GLG1: variants seen among roughly 807,000 people sequenced by gnomAD.
GLG1 encodes Golgi apparatus protein 1.
GLG1 carries 38 observed loss-of-function variants against 160.5 expected under a neutral mutation model. The ratio of observed to expected loss-of-function variants is 0.24; its 90% CI spans 0.18 to 0.31. GLG1 has a LOEUF of 0.31. GLG1 is among the 10% of genes least tolerant of loss of function. GLG1 has a pLI of 1.00. For missense variants in GLG1, 1,373 were observed against 1,505.2 expected (o/e 0.91, Z 1.45); for synonymous variants, 644 against 543.4 (o/e 1.19, Z -2.57).
intron 1 of GLG1, among the ~76,000 whole-genome samples, chr16:74,575,451 A>G (rs1387036632): frequency 6.6e-6 from 1 of 152,242 alleles, no homozygotes; most frequent in Non-Finnish European, 1.5e-5. Context: ...TTTAGAATCA[A>G]TAAGACATCA....
At chr16:74,563,493 C>T (rs2018564400) in intron 1 of GLG1, among the ~76,000 whole-genome samples, 1 of 152,068 alleles carries the variant, frequency 6.6e-6, no homozygotes, top group Admixed American at 6.6e-5. Flanking sequence ...CTTTGGGAGG[C>T]TGAGGTGGGC....
intron 1 of GLG1, among the ~76,000 whole-genome samples, chr16:74,595,821 T>A (rs1039789713): frequency 1.3e-5 from 2 of 152,126 alleles, no homozygotes; most frequent in African/African-American, 4.8e-5. Context: ...TTTTAAGACA[T>A]AAACAATATA....
At position 74,468,954 on chromosome 16, in the gene GLG1, G is replaced by A; in HGVS notation, c.2428C>T (p.Leu810=). 1 of 1,590,720 alleles carries A rather than the reference G, an allele frequency of 6.3e-7. No individual in the cohort carries two copies. Among genetic ancestry groups the A allele is most frequent in the Non-Finnish European group, 8.6e-7 (1 of 1,158,604 alleles). The change falls in exon 17 of 26, where the codon CTG becomes TTG. Residue 810 remains leucine (L), a synonymous_variant. Coordinates refer to ENST00000422840, the MANE Select transcript of GLG1 (RefSeq NM_001145667.2). The stretch of plus-strand genomic sequence containing the variant: ...AGGCTGGGAGGCATTACCATCTCCA[G>A]CTCCTCCACACGGAGCTGCCTGCGG... ...KCRRQLRVEE[L]EMTEDIRLEP...
rs181401792 is a variant in GLG1, at chr16:74,507,127, A to G, written c.558+1712T>C. ...AATACAGAATGAAATGTTTTGCTGG[A>G]GACTGTGTTCTTCCTGATATTTAAT... On this transcript the variant is annotated intron_variant, in intron 3 of 25. Transcript: ENST00000422840. Among the ~76,000 whole-genome samples, 4 of 152,318 alleles carry G rather than the reference A, an allele frequency of 2.6e-5. No individual in the cohort carries two copies. In the East Asian group the frequency reaches 7.7e-4, roughly 29 times the overall value.
chr16:74,556,854 A>G (rs1483587806), intron 1 of GLG1, among the ~76,000 whole-genome samples: 2 of 151,444 alleles, frequency 1.3e-5, no homozygotes, highest in Non-Finnish European at 2.9e-5. Context: ...ACTGTGTAAC[A>G]GTCTGTTTAC....
At chr16:74,553,503 C>T (rs541125721) in intron 1 of GLG1, among the ~76,000 whole-genome samples, 89 of 136,058 alleles carry the variant, frequency 6.5e-4, no homozygotes, top group African/African-American at 2.4e-3. Flanking sequence ...AACGGAGTCT[C>T]GCTCTGTCGC....
chr16:74,579,888 C>A (rs1957900631), intron 1 of GLG1, among the ~76,000 whole-genome samples: 1 of 151,632 alleles, frequency 6.6e-6, no homozygotes, highest in Non-Finnish European at 1.5e-5. Context: ...CATGGTGAAA[C>A]CCCGTCTCTA....
chr16:74,546,302 G>C (rs1486891398), intron 1 of GLG1, among the ~76,000 whole-genome samples: 2 of 152,074 alleles, frequency 1.3e-5, no homozygotes, highest in Non-Finnish European at 2.9e-5. Flanking sequence ...AGCCAGGTGT[G>C]GTGGCATGTG....
chr16:74,456,528 A>G (rs766022879), intron 25 of GLG1, 121 bp downstream of exon 25: 5 of 708,728 alleles, frequency 7.1e-6, no homozygotes, highest in Non-Finnish European at 1.3e-5. Context: ...GATATCTAAA[A>G]GAGGCTGGAC....
intron 1 of GLG1, among the ~76,000 whole-genome samples, chr16:74,550,901 T>A (rs2018181194): frequency 6.6e-6 from 1 of 152,222 alleles, no homozygotes; most frequent in East Asian, 1.9e-4. Context: ...GAATCTCTTA[T>A]TCCTCTCGAG....
rs567311545 is a variant in GLG1, at chr16:74,568,752, C to T, written c.439-36599G>A. 2.0e-5 allele frequency among the ~76,000 whole-genome samples: 3 copies of T among 152,182 alleles called. No homozygotes were observed. The South Asian group carries it at 6.2e-4, about 32-fold the overall frequency. On this transcript the variant is annotated intron_variant, in intron 1 of 25. Transcript: ENST00000422840. ...ATTTTCTATTTGCAAAGTGCTTAAC[C>T]AATAGTATCTTAAATCAGGTGCACA...
intron 12 of GLG1, 77 bp from the exon 13 acceptor site, chr16:74,474,709 G>T: frequency 1.3e-6 from 1 of 784,648 alleles, no homozygotes; most frequent in South Asian, 1.3e-5. Context: ...TCAGCGTCAT[G>T]ACACTTCCCT....
At chr16:74,560,815 T>C (rs1233408853) in intron 1 of GLG1, among the ~76,000 whole-genome samples, 1 of 149,668 alleles carries the variant, frequency 6.7e-6, no homozygotes, top group Non-Finnish European at 1.5e-5. Context: ...CAATCCCATC[T>C]CGAAAGAAAA....
intron 1 of GLG1, among the ~76,000 whole-genome samples, chr16:74,578,316 G>C (rs1957861249): frequency 6.6e-6 from 1 of 152,120 alleles, no homozygotes; most frequent in Admixed American, 6.5e-5. Context: ...CTACTGCCTT[G>C]TCCAAATACT....
At chr16:74,459,854 C>CTTT (rs71158515) in intron 22 of GLG1, 65 bp from the exon 23 acceptor site, 88 of 642,770 alleles carry the variant, frequency 1.4e-4, no homozygotes, top group Middle Eastern at 5.3e-4. Flanking sequence ...ACAGTTTCTT[C>CTTT]TTTTTTTTTT....
intron 1 of GLG1, among the ~76,000 whole-genome samples, chr16:74,592,083 C>T (rs977990397): frequency 6.6e-6 from 1 of 152,192 alleles, no homozygotes; most frequent in African/African-American, 2.4e-5. Context: ...AATCTGCCAC[C>T]TTGGCCGCCT....
At chr16:74,569,889 A>G (rs1354788781) in intron 1 of GLG1, among the ~76,000 whole-genome samples, 1 of 151,238 alleles carries the variant, frequency 6.6e-6, no homozygotes, top group African/African-American at 2.4e-5. Context: ...AAAAAAAAAA[A>G]GCAACGGTTT....
At chr16:74,532,342 A>G (rs1197162692) in intron 1 of GLG1, among the ~76,000 whole-genome samples, 189 bp from the exon 2 acceptor site, 1 of 151,990 alleles carries the variant, frequency 6.6e-6, no homozygotes, top group East Asian at 1.9e-4. Flanking sequence ...TGTTGGGGAG[A>G]AATGTACCAG....
chr16:74,457,378 C>G (rs898756203), intron 24 of GLG1, among the ~76,000 whole-genome samples: 1 of 152,158 alleles, frequency 6.6e-6, no homozygotes. Context: ...GCCTGGGTGA[C>G]AGAGTGAGAC....
Sources: gnomAD v4.1 joint callset for allele counts (sites outside exome capture counted in the v4.1 genomes callset) on GRCh38, gnomAD v4.1.1 for gene constraint, MANE v1.5 for transcripts, NCBI Gene and HGNC (gene_info 2026-07-23, HGNC 2026-07-21) for gene names.